NDC80: variants seen among roughly 807,000 people sequenced by gnomAD.
NDC80 encodes the protein NDC80 kinetochore complex component, also known as kinetochore protein NDC80 homolog.
In NDC80, 69 loss-of-function variants were observed where a neutral mutation model predicts 89.3. The observed-to-expected ratio is 0.77, with a 90% CI of 0.64 to 0.94. The LOEUF is 0.94. NDC80 is among the 40% of genes least tolerant of loss of function. The probability of loss-of-function intolerance (pLI) is 0.00; values close to 1 mark genes in which losing one functional copy is unlikely to be tolerated. For missense variants in NDC80, 593 were observed against 739.6 expected (o/e 0.80, Z 2.30); for synonymous variants, 243 against 255.6 (o/e 0.95, Z 0.47).
intron 5 of NDC80, among the ~76,000 whole-genome samples, 177 bp from the exon 6 acceptor site, chr18:2,578,750 C>T (rs930769061): frequency 2.0e-5 from 3 of 152,132 alleles, no homozygotes; most frequent in Non-Finnish European, 4.4e-5. Flanking sequence ...AAGTAATCTA[C>T]AGAGAAATAC....
rs2072711970 is a variant in NDC80, at chr18:2,606,438, C to G, written c.1488C>G (p.Ser496Arg). 2 of 1,602,162 alleles carry G rather than the reference C, an allele frequency of 1.2e-6. No individual in the cohort carries two copies. The highest frequency in any genetic ancestry group is 1.3e-5 in the African/African-American group (1 of 74,414). ...LEQLNAMITE[S>R]KRSVRTLKEE... ...AGTTGAATGCAATGATAACAGAAAG[C>G]AAGAGAAGTGTGAGAACTCTGAAAG... The change falls in exon 14 of 17, where the codon AGC becomes AGG. Residue 496 changes from serine to arginine, a missense_variant. Coordinates refer to ENST00000261597, the MANE Select transcript of NDC80 (RefSeq NM_006101.3).
chr18:2,571,856 A>G (rs2072515466), intron 1 of NDC80, among the ~76,000 whole-genome samples, 173 bp downstream of exon 1: 1 of 152,124 alleles, frequency 6.6e-6, no homozygotes, highest in Admixed American at 6.5e-5. Flanking sequence ...CACGGGATCT[A>G]TTAAATTTCT....
At chr18:2,605,896 A>G (rs1047018616) in intron 13 of NDC80, among the ~76,000 whole-genome samples, 4 of 152,124 alleles carry the variant, frequency 2.6e-5, no homozygotes, top group Admixed American at 6.6e-5. Context: ...TTTGGTTTCA[A>G]CTGATCTTAA....
intron 10 of NDC80, among the ~76,000 whole-genome samples, chr18:2,593,335 A>T (rs1264714106): frequency 6.6e-6 from 1 of 151,936 alleles, no homozygotes; most frequent in Non-Finnish European, 1.5e-5. Context: ...TCATTTTTTC[A>T]CATAGTATAA....
At chr18:2,583,720 C>T (rs1376473273) in intron 6 of NDC80, among the ~76,000 whole-genome samples, 1 of 149,328 alleles carries the variant, frequency 6.7e-6, no homozygotes, top group Non-Finnish European at 1.5e-5. Context: ...AAAAATCTGT[C>T]TGCCACCTGA....
chr18:2,597,749 TAA>T, intron 11 of NDC80, among the ~76,000 whole-genome samples: 1 of 151,226 alleles, frequency 6.6e-6, no homozygotes, highest in East Asian at 1.9e-4. Flanking sequence ...AAAATAAAGT[TAA>T]AGACAGTAAG....
At chr18:2,593,379 A>C (rs993601407) in intron 10 of NDC80, among the ~76,000 whole-genome samples, 1 of 152,188 alleles carries the variant, frequency 6.6e-6, no homozygotes, top group Non-Finnish European at 1.5e-5. Context: ...GTTAAGATCC[A>C]GTAGTTCTTA....
chr18:2,609,851 G>A (rs528630315), intron 15 of NDC80, among the ~76,000 whole-genome samples: 69 of 152,312 alleles, frequency 4.5e-4, no homozygotes, highest in African/African-American at 1.7e-3. Flanking sequence ...TCTGGATTCA[G>A]CTGGGTGCGG....
chr18:2,600,495 G>A (rs2072678795), intron 12 of NDC80, among the ~76,000 whole-genome samples: 1 of 151,994 alleles, frequency 6.6e-6, no homozygotes, highest in Admixed American at 6.6e-5. Context: ...TGTAGTCCCA[G>A]CTACTCGGGA....
intron 11 of NDC80, 121 bp downstream of exon 11, chr18:2,595,742 G>A: frequency 1.5e-6 from 1 of 669,346 alleles, no homozygotes; most frequent in Non-Finnish European, 2.5e-6. Flanking sequence ...CATTAGCATT[G>A]ACATTTTAAT....
chr18:2,578,785 GA>G, intron 5 of NDC80, 141 bp from the exon 6 acceptor site: 1 of 426,782 alleles, frequency 2.3e-6, no homozygotes, highest in Non-Finnish European at 4.1e-6. Context: ...ACTAAGGATA[GA>G]ATCCTAACAT....
Position 2,606,425 on chromosome 18 carries a change from T to C in NDC80, c.1475T>C (p.Met492Thr). The change falls in exon 14 of 17, where the codon ATG becomes ACG. Residue 492 changes from methionine (M) to threonine (T), a missense_variant. By Grantham distance (81) the Met-to-Thr change is moderately conservative. Transcript: ENST00000261597. ...GTTTTATTTCCCCAGTTGAATGCAA[T>C]GATAACAGAAAGCAAGAGAAGTGTG... Reference protein sequence around the residue: ...LEDTLEQLNAMITESKRSVRT... With the variant: ...LEDTLEQLNATITESKRSVRT... The C allele has an allele frequency of 1.9e-6, 3 of 1,599,976 alleles. No homozygotes were observed. The South Asian group carries it at 3.4e-5, about 18-fold the overall frequency.
At chr18:2,573,555 A>G (rs1205900709) in intron 2 of NDC80, among the ~76,000 whole-genome samples, 1 of 152,234 alleles carries the variant, frequency 6.6e-6, no homozygotes, top group Non-Finnish European at 1.5e-5. Flanking sequence ...CTGGAAAAAT[A>G]TCTGAAAGAA....
chr18:2,572,925 G>C lies in NDC80; in HGVS notation c.-9-52G>C, dbSNP rs547093796. 7 of 1,355,824 alleles carry C rather than the reference G, an allele frequency of 5.2e-6. No individual in the cohort carries two copies. The South Asian group carries it at 8.7e-5, about 17-fold the overall frequency. The allele number at this position is 1,355,824 out of a possible 1,614,324, so 84.0% of individuals were successfully genotyped here. ...GTTTAAGGATAAATAGTTGCTTAAT[G>C]TACCATCTCTGTCTGGAAAGTTTTT... On this transcript the variant is annotated intron_variant, in intron 1 of 16. Coordinates refer to ENST00000261597, the MANE Select transcript of NDC80 (RefSeq NM_006101.3).
At chr18:2,603,422 A>G (rs2072695043) in intron 13 of NDC80, among the ~76,000 whole-genome samples, 1 of 148,688 alleles carries the variant, frequency 6.7e-6, no homozygotes. Context: ...AAAACTTTTC[A>G]AGAAGGGAGA....
Position 2,578,938 on chromosome 18 carries a change from C to T in NDC80, c.488C>T (p.Ala163Val). Residue 163 changes from alanine (A) to valine (V), a missense_variant, in exon 6 of 17, where the codon GCA becomes GTA. Physicochemically the swap from Ala to Val is moderately conservative, Grantham distance 64 (BLOSUM62 0). Transcript: ENST00000261597. Reference protein sequence around the residue: ...RIFKDLGYPFALSKSSMYTVG... With the variant: ...RIFKDLGYPFVLSKSSMYTVG... ...CTGATTTCTCATAGGTATCCTTTTGCACTATCCAAAAGCTCCATGTACACA... is the reference window on the plus strand; with the variant it reads ...CTGATTTCTCATAGGTATCCTTTTGTACTATCCAAAAGCTCCATGTACACA... 2 of 1,523,424 alleles carry T rather than the reference C, an allele frequency of 1.3e-6. No homozygotes were observed. Among genetic ancestry groups the T allele is most frequent in the Non-Finnish European group, 1.8e-6 (2 of 1,136,160 alleles). 94.4% of individuals were successfully genotyped at this position (1,523,424 alleles called of 1,614,324 possible).
rs144058091 is a variant in NDC80 at position 2,586,551 on chromosome 18, G to A, written c.670-1279G>A. On this transcript the variant is annotated intron_variant, in intron 7 of 16. Transcript: ENST00000261597. ...TCAAGACCAGCCTAAGCAACATGGC[G>A]AAACCCCATCTCTGCAAAAAGTACA... Among the ~76,000 whole-genome samples the A allele has an allele frequency of 9.5e-3, 1,441 of 152,112 alleles. 29 individuals carry two copies. Among genetic ancestry groups the A allele is most frequent in the African/African-American group, 0.033 (1,359 of 41,480 alleles).
At chr18:2,578,904 T>G (rs2072561977) in intron 5 of NDC80, 23 bp from the exon 6 acceptor site, 1 of 1,311,824 alleles carries the variant, frequency 7.6e-7, no homozygotes, top group Non-Finnish European at 1.0e-6. Context: ...TAAATTAGCT[T>G]ATGTTTTTCT....
chr18:2,595,647 C>G (rs2072651125), intron 11 of NDC80, 26 bp downstream of exon 11: 3 of 1,598,710 alleles, frequency 1.9e-6, no homozygotes, highest in Middle Eastern at 1.7e-4. Flanking sequence ...TCCAGAGTGG[C>G]AACTCATCAT....
Sources: gnomAD v4.1 joint callset for allele counts (sites outside exome capture counted in the v4.1 genomes callset) on GRCh38, gnomAD v4.1.1 for gene constraint, MANE v1.5 for transcripts, NCBI Gene and HGNC (gene_info 2026-07-23, HGNC 2026-07-21) for gene names.